PRKN: variants seen among roughly 807,000 people sequenced by gnomAD.
The protein encoded by PRKN is parkin RBR E3 ubiquitin protein ligase.
A neutral mutation model predicts 59.5 loss-of-function variants in PRKN; 56 were observed. The ratio of observed to expected loss-of-function variants is 0.94; its 90% confidence interval spans 0.76 to 1.18. The LOEUF is 1.18. Among genes scored for constraint, PRKN ranks in the 50% most tolerant of loss-of-function variants. The pLI is 0.00. For missense variants in PRKN, 657 were observed against 596.4 expected, an observed-to-expected ratio of 1.10 and a Z score of -1.06; for synonymous variants, 250 against 222.1, an observed-to-expected ratio of 1.13 and a Z score of -1.12.
intron 1 of PRKN, among the ~76,000 whole-genome samples, chr6:162,638,651 A>G (rs1371813433): frequency 1.3e-5 from 2 of 152,030 alleles, no homozygotes; most frequent in Non-Finnish European, 1.5e-5. Context: ...TCTTCCATAA[A>G]AAACTTTCAC....
chr6:162,427,376 C>G (rs532525797), intron 2 of PRKN, among the ~76,000 whole-genome samples: 5 of 152,256 alleles, frequency 3.3e-5, no homozygotes, highest in Admixed American at 6.5e-5. Context: ...ATGTTCAGTG[C>G]AGCACTATTT....
intron 7 of PRKN, among the ~76,000 whole-genome samples, chr6:161,697,875 A>AT (rs1450445601): frequency 6.6e-6 from 1 of 152,082 alleles, no homozygotes; most frequent in African/African-American, 2.4e-5. Flanking sequence ...GCCATTTTAC[A>AT]TTTTTATTTT....
At chr6:161,821,669 CTGAG>C (rs1792029796) in intron 6 of PRKN, among the ~76,000 whole-genome samples, 1 of 145,332 alleles carries the variant, frequency 6.9e-6, no homozygotes, top group Admixed American at 7.3e-5. Flanking sequence ...ACAGCCTTGA[CTGAG>C]TATTTTCTTT....
At chr6:161,569,170 C>T (rs1438182741) in intron 8 of PRKN, among the ~76,000 whole-genome samples, 185 bp downstream of exon 8, 1 of 152,200 alleles carries the variant, frequency 6.6e-6, no homozygotes, top group Non-Finnish European at 1.5e-5. Context: ...AATTAATAAC[C>T]TGTCAGGTCT....
At chr6:162,434,967 C>T (rs1789703111) in intron 2 of PRKN, among the ~76,000 whole-genome samples, 2 of 152,194 alleles carry the variant, frequency 1.3e-5, no homozygotes, top group African/African-American at 4.8e-5. Context: ...ATAGACACAA[C>T]CTCTCATTTC....
At chr6:162,572,036 T>A (rs544160003) in intron 1 of PRKN, among the ~76,000 whole-genome samples, 1 of 151,960 alleles carries the variant, frequency 6.6e-6, no homozygotes, top group Non-Finnish European at 1.5e-5. Flanking sequence ...GAACAATTAG[T>A]GTATCTTTGA....
chr6:161,580,775 G>C (rs1296903401), intron 7 of PRKN, among the ~76,000 whole-genome samples: 1 of 150,802 alleles, frequency 6.6e-6, no homozygotes, highest in African/African-American at 2.4e-5. Context: ...ACCGCACCCA[G>C]CCCAAAAATT....
chr6:162,622,039 C>T (rs577439288), intron 1 of PRKN, among the ~76,000 whole-genome samples: 2 of 152,196 alleles, frequency 1.3e-5, no homozygotes, highest in South Asian at 2.1e-4. Flanking sequence ...TCTTGAACTC[C>T]TAACCTCAAG....
At chr6:162,448,994 TCTC>T (rs1243689452) in intron 1 of PRKN, among the ~76,000 whole-genome samples, 2 of 151,750 alleles carry the variant, frequency 1.3e-5, no homozygotes, top group African/African-American at 4.8e-5. Context: ...TTCAAGCAAT[TCTC>T]CTGCCTCAGC....
chr6:162,657,194 C>T (rs1042590256), intron 1 of PRKN, among the ~76,000 whole-genome samples: 1 of 152,270 alleles, frequency 6.6e-6, no homozygotes, highest in African/African-American at 2.4e-5. Context: ...ATGCAATTAT[C>T]CATAGTAGAT....
intron 1 of PRKN, among the ~76,000 whole-genome samples, chr6:162,660,076 G>T (rs569213299): frequency 5.7e-4 from 86 of 152,196 alleles, no homozygotes; most frequent in African/African-American, 2.0e-3. Context: ...CTACTAGAAT[G>T]TTGAAAGAAC....
Position 161,593,289 on chromosome 6 carries a change from G to T in PRKN, c.872-23873C>A, listed in dbSNP as rs1214403876. 2.0e-5 allele frequency among the ~76,000 whole-genome samples: 3 copies of T among 152,222 alleles called. No homozygotes were observed. The highest frequency in any genetic ancestry group is 4.4e-5 in the Non-Finnish European group (3 of 68,048). On this transcript the variant is annotated intron_variant, in intron 7 of 11. Coordinates refer to ENST00000366898, the MANE Select transcript of PRKN (RefSeq NM_004562.3). The surrounding 1 kb of genome is among the most constrained non-coding windows in gnomAD (Gnocchi z 4.8). ...AGTCCTTACGGGCTGCTTTGAGTGT[G>T]AGGGCAGGGCTATTGATATTTTCAT...
chr6:161,661,675 G>A (rs531416634), intron 7 of PRKN, among the ~76,000 whole-genome samples: 5 of 152,168 alleles, frequency 3.3e-5, no homozygotes, highest in Non-Finnish European at 7.3e-5. Context: ...ACTGTATACA[G>A]CCACATCATC....
chr6:161,946,411 C>A (rs1468931469), intron 6 of PRKN, among the ~76,000 whole-genome samples: 1 of 96,552 alleles, frequency 1.0e-5, no homozygotes, highest in African/African-American at 3.4e-5. Context: ...CACACACACA[C>A]ACACTCTCTC....
chr6:161,897,854 C>A (rs1777700411), intron 6 of PRKN, among the ~76,000 whole-genome samples: 1 of 150,018 alleles, frequency 6.7e-6, no homozygotes, highest in South Asian at 2.1e-4. Flanking sequence ...GTAGTCCCAG[C>A]TACTCGGGAG....
intron 7 of PRKN, among the ~76,000 whole-genome samples, chr6:161,724,977 C>A (rs1787379797): frequency 6.6e-6 from 1 of 152,146 alleles, no homozygotes; most frequent in Admixed American, 6.6e-5. Context: ...AAGTGTGTGG[C>A]ACCTCCCCTT....
intron 1 of PRKN, among the ~76,000 whole-genome samples, chr6:162,451,448 G>C (rs762313922): frequency 1.3e-5 from 2 of 151,358 alleles, no homozygotes; most frequent in African/African-American, 4.9e-5. Context: ...AAAGGAATCA[G>C]GCCGGGCATG....
intron 3 of PRKN, among the ~76,000 whole-genome samples, chr6:162,221,973 A>C (rs1777954659): frequency 6.6e-6 from 1 of 152,218 alleles, no homozygotes; most frequent in Admixed American, 6.5e-5. Flanking sequence ...ACACTTTCTA[A>C]GATGACGTAC....
At chr6:161,749,896 C>A (rs565141077) in intron 7 of PRKN, among the ~76,000 whole-genome samples, 1 of 152,236 alleles carries the variant, frequency 6.6e-6, no homozygotes, top group African/African-American at 2.4e-5. Context: ...TAAAAAACAA[C>A]AAAAACTCAA....
Sources: allele counts gnomAD v4.1 joint callset (sites outside exome capture counted in the v4.1 genomes callset), GRCh38; gene constraint gnomAD v4.1.1; non-coding constraint Gnocchi (gnomAD v3.1); transcripts MANE v1.5; gene names NCBI Gene and HGNC (gene_info 2026-07-23, HGNC 2026-07-21).